The following GPC5 variants were observed in gnomAD, a reference collection of about 807,000 sequenced individuals.
GPC5 encodes glypican-5.
Under a neutral mutation model 53.9 loss-of-function variants are expected in GPC5, and 47 were observed. That is an observed-to-expected ratio of 0.87 (90% CI 0.69 to 1.11). The LOEUF (loss-of-function observed/expected upper bound fraction) is 1.11, where lower values mean the gene tolerates loss of function less well. Among genes scored for constraint, GPC5 ranks in the 50% most tolerant of loss-of-function variants. The pLI is 0.00. For missense variants in GPC5, 748 were observed against 713.1 expected (o/e 1.05, Z -0.56); for synonymous variants, 286 against 263.3 (o/e 1.09, Z -0.84).
chr13:92,010,609 C>G (rs541814895), intron 6 of GPC5, among the ~76,000 whole-genome samples: 70 of 152,280 alleles, frequency 4.6e-4, no homozygotes, highest in Non-Finnish European at 7.2e-4. Context: ...AAGTGAGGCT[C>G]TAATCCAATA....
chr13:92,403,240 C>T (rs971503549), intron 7 of GPC5, among the ~76,000 whole-genome samples: 87 of 152,250 alleles, frequency 5.7e-4, no homozygotes, highest in African/African-American at 2.0e-3. Context: ...ACATGAACTA[C>T]CTTAAAGCAA....
intron 7 of GPC5, among the ~76,000 whole-genome samples, chr13:92,747,540 C>A (rs1889269729): frequency 6.6e-6 from 1 of 152,104 alleles, no homozygotes; most frequent in African/African-American, 2.4e-5. Context: ...CCTCCTCTCT[C>A]CTTTAGTAAA....
Position 91,437,131 on chromosome 13 carries a change from C to G in GPC5, c.164-11630C>G, listed in dbSNP as rs557051796. On this transcript the variant is annotated intron_variant, in intron 1 of 7. Coordinates refer to ENST00000377067, the MANE Select transcript of GPC5 (RefSeq NM_004466.6). ...AATACAGTACACTGATGGGTCTTGACTCTTTATCCAATTTGCCAGTCCGTG... is the reference window on the plus strand; with the variant it reads ...AATACAGTACACTGATGGGTCTTGAGTCTTTATCCAATTTGCCAGTCCGTG... Among the ~76,000 whole-genome samples, 3 of 152,234 alleles carry G rather than the reference C, an allele frequency of 2.0e-5. No individual in the cohort carries two copies. In the East Asian group the frequency reaches 5.8e-4, roughly 29 times the overall value.
intron 5 of GPC5, among the ~76,000 whole-genome samples, chr13:91,759,545 G>C (rs754525654): frequency 6.6e-6 from 1 of 151,798 alleles, no homozygotes; most frequent in African/African-American, 2.4e-5. Flanking sequence ...CCAGCCTCTG[G>C]TAACCATCCT....
intron 7 of GPC5, among the ~76,000 whole-genome samples, chr13:92,668,032 T>C (rs917175490): frequency 4.3e-4 from 66 of 152,346 alleles, no homozygotes; most frequent in African/African-American, 1.6e-3. Context: ...TTTAAAAATA[T>C]CTTTTCTTTA....
At chr13:91,524,003 A>T (rs1054733870) in intron 2 of GPC5, among the ~76,000 whole-genome samples, 2 of 151,948 alleles carry the variant, frequency 1.3e-5, no homozygotes, top group African/African-American at 4.8e-5. Flanking sequence ...TATTATCCTA[A>T]TTTTTTGTAA....
intron 7 of GPC5, among the ~76,000 whole-genome samples, chr13:92,718,934 A>G (rs1209840293): frequency 4.6e-5 from 7 of 151,966 alleles, no homozygotes; most frequent in Non-Finnish European, 8.8e-5. Context: ...TGAAAGAATA[A>G]GAATGTTTGT....
At chr13:91,641,519 A>C (rs1032095235) in intron 2 of GPC5, among the ~76,000 whole-genome samples, 1 of 152,200 alleles carries the variant, frequency 6.6e-6, no homozygotes, top group African/African-American at 2.4e-5. Flanking sequence ...TCTGGGCTTG[A>C]TACCTACATG....
At chr13:92,369,418 T>TA (rs1281762044) in intron 7 of GPC5, among the ~76,000 whole-genome samples, 1 of 152,170 alleles carries the variant, frequency 6.6e-6, no homozygotes, top group Non-Finnish European at 1.5e-5. Context: ...CCTCAAGTGA[T>TA]CCTCCCACCA....
intron 2 of GPC5, among the ~76,000 whole-genome samples, chr13:91,689,625 TA>T (rs1369870370): frequency 6.6e-5 from 10 of 151,752 alleles, no homozygotes; most frequent in African/African-American, 1.9e-4. Flanking sequence ...AATATTTATT[TA>T]TTTTTTTACT....
chr13:92,385,650 C>T (rs1333771141), intron 7 of GPC5, among the ~76,000 whole-genome samples: 1 of 141,162 alleles, frequency 7.1e-6, no homozygotes, highest in South Asian at 2.2e-4. Flanking sequence ...TACCTATATA[C>T]ACATATATAT....
intron 7 of GPC5, among the ~76,000 whole-genome samples, chr13:92,293,023 A>G (rs548925218): frequency 6.6e-6 from 1 of 151,490 alleles, no homozygotes; most frequent in African/African-American, 2.4e-5. Context: ...TCACTGGTCT[A>G]TGTGTCTATT....
At chr13:91,625,933 A>C (rs1002637553) in intron 2 of GPC5, among the ~76,000 whole-genome samples, 4 of 152,084 alleles carry the variant, frequency 2.6e-5, no homozygotes, top group African/African-American at 9.7e-5. Flanking sequence ...CTATTATCTT[A>C]TCCAATTTTA....
At position 91,510,361 on chromosome 13, in the gene GPC5, A is replaced by T. The variant is rs905168466; in HGVS notation, c.325+61439A>T. Among the ~76,000 whole-genome samples, 6 of 152,322 alleles carry T rather than the reference A, an allele frequency of 3.9e-5. No individual in the cohort carries two copies. The South Asian group carries it at 8.3e-4, about 21-fold the overall frequency. ...CTACACATATGAAAACTGAGCACAG[A>T]AACGTTATGTGATTTGCCCCAAGAT... On this transcript the variant is annotated intron_variant, in intron 2 of 7. Coordinates refer to ENST00000377067, the MANE Select transcript of GPC5 (RefSeq NM_004466.6).
At chr13:91,859,037 T>C (rs1288841240) in intron 5 of GPC5, among the ~76,000 whole-genome samples, 1 of 26,764 alleles carries the variant, frequency 3.7e-5, no homozygotes, top group Non-Finnish European at 7.2e-5. Flanking sequence ...TTTAGGTCTT[T>C]TTTTTTTTTT....
chr13:92,006,925 A>G (rs1369354445), intron 6 of GPC5, among the ~76,000 whole-genome samples: 1 of 150,380 alleles, frequency 6.6e-6, no homozygotes, highest in Non-Finnish European at 1.5e-5. Flanking sequence ...GTAATGTTGT[A>G]GCATACATAG....
intron 7 of GPC5, among the ~76,000 whole-genome samples, chr13:92,416,785 T>A (rs1351460085): frequency 6.6e-6 from 1 of 152,052 alleles, no homozygotes; most frequent in African/African-American, 2.4e-5. Context: ...AAAAAACAAC[T>A]CACAATGTGG....
At chr13:92,772,907 T>C (rs1219298639) in intron 7 of GPC5, among the ~76,000 whole-genome samples, 1 of 152,146 alleles carries the variant, frequency 6.6e-6, no homozygotes, top group African/African-American at 2.4e-5. Context: ...ATTTTATTTA[T>C]TATTATTATT....
At chr13:92,017,535 A>G (rs1269128859) in intron 6 of GPC5, among the ~76,000 whole-genome samples, 1 of 152,148 alleles carries the variant, frequency 6.6e-6, no homozygotes, top group African/African-American at 2.4e-5. Context: ...TAAAGTCCCC[A>G]CCTTTCTGAG....
Sources: allele counts gnomAD v4.1 joint callset (sites outside exome capture counted in the v4.1 genomes callset), GRCh38; gene constraint gnomAD v4.1.1; transcripts MANE v1.5; gene names NCBI Gene and HGNC (gene_info 2026-07-23, HGNC 2026-07-21).